The following NAV2 variants were observed in gnomAD, a reference collection of about 807,000 sequenced individuals.
NAV2 encodes neuron navigator 2.
A neutral mutation model predicts 223.2 loss-of-function variants in NAV2; 54 were observed. That is an observed-to-expected ratio of 0.24 (90% CI 0.19 to 0.30). The LOEUF (loss-of-function observed/expected upper bound fraction) is 0.30. Among genes scored for constraint, NAV2 ranks in the 10% least tolerant of loss-of-function variants. The probability of loss-of-function intolerance (pLI) is 1.00; values close to 1 mark genes in which losing one functional copy is unlikely to be tolerated. For synonymous variants in NAV2, 1,279 were observed against 1,239.3 expected (o/e 1.03, Z -0.67); for missense variants, 2,806 against 3,147.5 (o/e 0.89, Z 2.60).
chr11:19,987,912 A>G (rs2153459416), intron 11 of NAV2, among the ~76,000 whole-genome samples: 1 of 152,318 alleles, frequency 6.6e-6, no homozygotes, highest in South Asian at 2.1e-4. Flanking sequence ...TAACAGACAG[A>G]TAAAAGGAGC....
chr11:20,040,348 G>A (rs1211914378), intron 12 of NAV2, among the ~76,000 whole-genome samples: 1 of 152,160 alleles, frequency 6.6e-6, no homozygotes, highest in African/African-American at 2.4e-5. Context: ...CAGGAAAGTT[G>A]GTAATGAATA....
chr11:19,659,875 G>T (rs2048229156), intron 1 of NAV2, among the ~76,000 whole-genome samples: 1 of 152,124 alleles, frequency 6.6e-6, no homozygotes, highest in Non-Finnish European at 1.5e-5. Context: ...TCACAGGGTT[G>T]TTGTGATGTT....
At chr11:19,611,272 C>T (rs760964797) in intron 1 of NAV2, among the ~76,000 whole-genome samples, 4 of 152,190 alleles carry the variant, frequency 2.6e-5, no homozygotes, top group Non-Finnish European at 4.4e-5. Context: ...CTGGGAGATA[C>T]ATTTCAAGTT....
chr11:19,431,830 AAC>A (rs1182695428), intron 1 of NAV2, among the ~76,000 whole-genome samples: 1 of 152,220 alleles, frequency 6.6e-6, no homozygotes, highest in Non-Finnish European at 1.5e-5. Flanking sequence ...AGCTAGGAAA[AAC>A]ACAGCTTTTG....
In NAV2 at chr11:19,914,623, C is replaced by A. The variant is rs2043629786; in HGVS notation, c.932-18553C>A. Among the ~76,000 whole-genome samples the A allele has an allele frequency of 2.0e-5, 3 of 151,772 alleles. No individual in the cohort carries two copies. In the Middle Eastern group the frequency reaches 0.01, roughly 516 times the overall value. On this transcript the variant is annotated intron_variant, in intron 6 of 37. Transcript: ENST00000349880. The stretch of plus-strand genomic sequence containing the variant: ...GCAGTGGCGCAATCTCGGCTCACTG[C>A]AAGCTCCGCTTCCCGGGTTCACGCC...
chr11:19,935,851 GTT>G (rs765632685), intron 7 of NAV2, among the ~76,000 whole-genome samples: 49 of 52,698 alleles, frequency 9.3e-4, no homozygotes, highest in African/African-American at 3.1e-3. Flanking sequence ...TTTTGTTTCT[GTT>G]TTTTTTTTTT....
At chr11:19,521,984 G>A (rs922758999) in intron 1 of NAV2, among the ~76,000 whole-genome samples, 2 of 152,202 alleles carry the variant, frequency 1.3e-5, no homozygotes, top group African/African-American at 4.8e-5. Context: ...AGATGGGTTT[G>A]GATCCAGCTC....
intron 1 of NAV2, among the ~76,000 whole-genome samples, chr11:19,760,644 A>T (rs2054659905): frequency 6.6e-6 from 1 of 152,108 alleles, no homozygotes; most frequent in African/African-American, 2.4e-5. Context: ...TGCAAACGGC[A>T]CCTTTTCAAA....
At chr11:19,911,136 T>G (rs2043279418) in intron 6 of NAV2, among the ~76,000 whole-genome samples, 1 of 151,918 alleles carries the variant, frequency 6.6e-6, no homozygotes. Flanking sequence ...GTTGGCTATA[T>G]GGTGCCTGAA....
intron 6 of NAV2, among the ~76,000 whole-genome samples, chr11:19,929,021 G>T (rs1664194543): frequency 6.6e-6 from 1 of 152,164 alleles, no homozygotes; most frequent in African/African-American, 2.4e-5. Context: ...TTGGGAGGCT[G>T]AAGTGGCTGG....
rs1476784203 is a variant in NAV2, at chr11:19,467,026, G to GAGAGAGAGAGATAGAT, written c.75+116010_75+116011insTAGATAGAGAGAGAGA. ...ACACACACACACACACACAGAGAGA[G>GAGAGAGAGAGATAGAT]AGAGAGAGAGAGAGAGAGATAGATA... On this transcript the variant is annotated intron_variant, in intron 1 of 37. Coordinates refer to the NAV2 transcript ENST00000360655. 5.6e-3 allele frequency among the ~76,000 whole-genome samples: 632 copies of GAGAGAGAGAGATAGAT among 112,334 alleles called. 6 individuals carry two copies. The highest frequency in any genetic ancestry group is 0.018 in the African/African-American group (584 of 32,634). 73.7% of individuals were successfully genotyped at this position (112,334 alleles called of 152,430 possible).
intron 1 of NAV2, among the ~76,000 whole-genome samples, chr11:19,770,794 T>A (rs1026580488): frequency 4.6e-5 from 7 of 152,192 alleles, no homozygotes; most frequent in African/African-American, 1.2e-4. Context: ...TGACACGTAA[T>A]CTTCACTCTC....
chr11:19,850,289 C>A (rs548899519), intron 3 of NAV2, among the ~76,000 whole-genome samples: 48 of 152,254 alleles, frequency 3.2e-4, no homozygotes, highest in African/African-American at 1.2e-3. Context: ...CCTGTGCCTG[C>A]TTTTAACATA....
rs1433459916 is a variant in NAV2 at position 19,680,293 on chromosome 11, G to A, written c.76-152191G>A. 3.9e-5 allele frequency among the ~76,000 whole-genome samples: 6 copies of A among 152,288 alleles called. 1 individual carries two copies. Among genetic ancestry groups the A allele is most frequent in the African/African-American group, 9.6e-5 (4 of 41,558 alleles). ...AGTGCTGGCTTCTGTCCTGAGCAGCGTGATCTGCTGCCCATGAGTCAGGGG... is the reference window on the plus strand; with the variant it reads ...AGTGCTGGCTTCTGTCCTGAGCAGCATGATCTGCTGCCCATGAGTCAGGGG... On this transcript the variant is annotated intron_variant, in intron 1 of 37. Transcript: ENST00000360655.
In NAV2 at chr11:19,936,331, C is replaced by T. The variant is rs537265484; in HGVS notation, c.2033+2054C>T. On this transcript the variant is annotated intron_variant, in intron 7 of 37. Transcript: ENST00000349880. ...ATGACAGTCTTTGATCACCATCAAT[C>T]CCATTCCTTCTTTTTTTGTTGTTCG... 1.8e-4 allele frequency among the ~76,000 whole-genome samples: 28 copies of T among 152,270 alleles called. No homozygotes were observed. In the South Asian group the frequency reaches 5.8e-3, roughly 32 times the overall value.
intron 1 of NAV2, among the ~76,000 whole-genome samples, chr11:19,564,396 GC>G (rs1410193760): frequency 1.3e-5 from 2 of 152,190 alleles, no homozygotes; most frequent in Non-Finnish European, 2.9e-5. Context: ...CCCTGCGCTG[GC>G]TGACACTGGC....
intron 22 of NAV2, among the ~76,000 whole-genome samples, chr11:20,070,178 T>C (rs6483639): frequency 0.3 from 46,033 of 152,030 alleles, 7,489 homozygotes; most frequent in South Asian, 0.44. Context: ...ACAGGTTCTA[T>C]CCCGTGGGCA....
At chr11:20,023,196 T>G in intron 11 of NAV2, 2 of 1,471,550 alleles carry the variant, frequency 1.4e-6, no homozygotes, top group South Asian at 2.4e-5. Flanking sequence ...CTGCCTTGTC[T>G]TCCTTGGCCG....
intron 11 of NAV2, among the ~76,000 whole-genome samples, chr11:20,028,496 A>G (rs1177435564): frequency 6.6e-6 from 1 of 152,174 alleles, no homozygotes; most frequent in Non-Finnish European, 1.5e-5. Flanking sequence ...TGTTCTTGAT[A>G]CACTTGGTGA....
Sources: gnomAD v4.1 joint callset for allele counts (sites outside exome capture counted in the v4.1 genomes callset) on GRCh38, gnomAD v4.1.1 for gene constraint, MANE v1.5 for transcripts, NCBI Gene and HGNC (gene_info 2026-07-23, HGNC 2026-07-21) for gene names.